ZNF841: variants seen among roughly 807,000 people sequenced by gnomAD.
ZNF841 encodes the protein TCONS_00006091.
ZNF841 carries 11 observed loss-of-function variants against 13.0 expected under a neutral mutation model. The observed-to-expected ratio is 0.85, with a 90% confidence interval of 0.53 to 1.40. The LOEUF is 1.40. Ranked by LOEUF, ZNF841 falls within the 40% of genes most tolerant of loss-of-function variation. The probability of loss-of-function intolerance (pLI) is 0.00; values close to 1 mark genes in which losing one functional copy is unlikely to be tolerated. For missense variants in ZNF841, 1,068 were observed against 1,139.5 expected, an observed-to-expected ratio of 0.94 and a Z score of 0.90; for synonymous variants, 369 against 381.6, an observed-to-expected ratio of 0.97 and a Z score of 0.38.
chr19:52,063,065 CG>C (rs1488109588), downstream of ZNF841, among the ~76,000 whole-genome samples: 1 of 151,872 alleles, frequency 6.6e-6, no homozygotes, highest in East Asian at 1.9e-4. Context: ...TTAGTAGAGA[CG>C]GGGTTTCACC....
At chr19:52,070,327 A>G (rs1022516411) in intron 6 of ZNF841, among the ~76,000 whole-genome samples, 26 of 152,184 alleles carry the variant, frequency 1.7e-4, no homozygotes, top group African/African-American at 6.3e-4. Context: ...GACAAGAGAC[A>G]AAAGAGTATA....
At position 52,066,349 on chromosome 19, in the gene ZNF841, T is replaced by C. The variant is rs372083602; in HGVS notation, c.1533A>G (p.Lys511=). The stretch of plus-strand genomic sequence containing the variant: ...TGCCACATTCATTACATTTGTAAGG[T>C]TTCTCTCCAGTATGAACTCTCTGAT... ...AVHQRVHTGE[K]PYKCNECGKA... is the part of the protein sequence containing the mutation. Residue 511 remains lysine, a synonymous_variant, in exon 7 of 7, where the codon AAA becomes AAG. Coordinates refer to ENST00000594440, the MANE Select transcript of ZNF841 (RefSeq NM_001136499.2). 34 of 1,613,914 alleles carry C rather than the reference T, an allele frequency of 2.1e-5. No homozygotes were observed. The highest frequency in any genetic ancestry group is 2.5e-5 in the Non-Finnish European group (29 of 1,179,958).
intron 4 of ZNF841, among the ~76,000 whole-genome samples, chr19:52,078,352 A>G (rs2087975586): frequency 6.6e-6 from 1 of 152,126 alleles, no homozygotes; most frequent in Admixed American, 6.6e-5. Context: ...ATTACTATTC[A>G]TAAAACTAAT....
chr19:52,074,523 AT>A (rs966794469), intron 6 of ZNF841, among the ~76,000 whole-genome samples: 46 of 148,570 alleles, frequency 3.1e-4, no homozygotes, highest in Admixed American at 1.6e-3. Flanking sequence ...CCCGGGAGAA[AT>A]TTTTTTTTTT....
chr19:52,077,870 G>A lies in ZNF841; in HGVS notation c.16-786C>T, dbSNP rs79859297. Among the ~76,000 whole-genome samples, 323 of 152,296 alleles carry A rather than the reference G, an allele frequency of 2.1e-3. 2 individuals are homozygous for A. The East Asian group carries it at 0.036, about 17-fold the overall frequency. ...TCAAGGTGTCAGCAGGACTGATGTC[G>A]CTGAGGGCTAATCCCTGCTTCGAAG... On this transcript the variant is annotated intron_variant, in intron 4 of 6. Transcript: ENST00000594440.
chr19:52,077,765 T>C lies in ZNF841; in HGVS notation c.16-681A>G, dbSNP rs138109087. On this transcript the variant is annotated intron_variant, in intron 4 of 6. Transcript: ENST00000594440. The stretch of plus-strand genomic sequence containing the variant: ...ATGTCCTAGTCTTTCTGTGTGGCTA[T>C]AACGAAATAAGAGAGACTAACTAAC... Among the ~76,000 whole-genome samples, 275 of 152,310 alleles carry C rather than the reference T, an allele frequency of 1.8e-3. 1 individual carries two copies. Among genetic ancestry groups the C allele is most frequent in the African/African-American group, 6.3e-3 (264 of 41,580 alleles).
At position 52,065,163 on chromosome 19, in the gene ZNF841, T is replaced by G. The variant is rs761125219; in HGVS notation, c.2719A>C (p.Lys907Gln). 2.5e-6 allele frequency: 4 copies of G among 1,578,414 alleles called. No homozygotes were observed. Among genetic ancestry groups the G allele is most frequent in the Non-Finnish European group, 3.4e-6 (4 of 1,162,836 alleles). ...IKHAGENLTTKLNVERPLDVV... is the reference protein window; with the variant it reads ...IKHAGENLTTQLNVERPLDVV... ...TCTAACGGCCTTTCCACATTGAGTT[T>G]AGTTGTAAGGTTCTCTCCAGCATGT... The change falls in exon 7 of 7, where the codon AAA (lysine) becomes CAA (glutamine). Residue 907 changes from lysine (K) to glutamine (Q), a missense_variant. Lys to Gln is a moderately conservative substitution (Grantham distance 53). Transcript: ENST00000594440.
chr19:52,058,925 GTTATTA>G, the ZNF841 span: 7 of 152,752 alleles, frequency 4.6e-5, no homozygotes, highest in East Asian at 7.9e-4. Flanking sequence ...AAAAATAATT[GTTATTA>G]TTATTATACA....
intron 2 of ZNF841, among the ~76,000 whole-genome samples, chr19:52,090,711 A>AAGAAAGAAAGAAAGAAAG (rs2088465571): frequency 7.2e-6 from 1 of 139,768 alleles, no homozygotes; most frequent in Admixed American, 7.5e-5. Context: ...AAGAAAGAGA[A>AAGAAAGAAAGAAAGAAAG]AGAAAGAAAG....
Position 52,084,851 on chromosome 19 carries a change from A to G in ZNF841, c.-50T>C. ...TCTCTCCTGGGCCTCTCTCTCAGTC[A>G]ATATAATTAATTCTTTAAAAGTCAA... On this transcript the variant is annotated 5_prime_UTR_variant, in exon 4 of 7. Coordinates refer to ENST00000594440, the MANE Select transcript of ZNF841 (RefSeq NM_001136499.2). 1 of 1,571,934 alleles carries G rather than the reference A, an allele frequency of 6.4e-7. No homozygotes were observed. The highest frequency in any genetic ancestry group is 8.6e-7 in the Non-Finnish European group (1 of 1,159,346).
At position 52,064,978 on chromosome 19, in the gene ZNF841, T is replaced by G. The variant is rs543084046; in HGVS notation, c.*129A>C. ...CAAGGGGATGGTACTAAAACTTTCT[T>G]GAGAAAGCCACCCCCATCATCCAAT... On this transcript the variant is annotated 3_prime_UTR_variant, in exon 7 of 7. Transcript: ENST00000594440. The G allele has an allele frequency of 2.6e-5, 21 of 814,634 alleles. No homozygotes were observed. The Admixed American group carries it at 3.4e-4, about 13-fold the overall frequency. 50.5% of individuals were successfully genotyped at this position (814,634 alleles called of 1,614,324 possible). A position where few individuals can be genotyped will look rare whatever the true frequency, so the allele number is the denominator to read the frequency against.
chr19:52,065,603 G>C lies in ZNF841; in HGVS notation c.2279C>G (p.Thr760Ser), dbSNP rs1474439770. The stretch of plus-strand genomic sequence containing the variant: ...ATTACATTTGTAAGGTTTCTCTCCA[G>C]TATGAATTCTCCGATGCCTTGCCAG... Reference protein sequence around the residue: ...TTLARHRRIHTGEKPYKCNEC... With the variant: ...TTLARHRRIHSGEKPYKCNEC... Residue 760 changes from threonine (T) to serine (S), a missense_variant, in exon 7 of 7, where the codon ACT becomes AGT. Thr to Ser is a moderately conservative substitution (Grantham distance 58, BLOSUM62 1). Coordinates refer to ENST00000594440, the MANE Select transcript of ZNF841 (RefSeq NM_001136499.2). 1 of 1,613,298 alleles carries C rather than the reference G, an allele frequency of 6.2e-7. No homozygotes were observed. The highest frequency in any genetic ancestry group is 1.3e-5 in the African/African-American group (1 of 74,886).
the ZNF841 span, among the ~76,000 whole-genome samples, chr19:52,059,390 T>TATATACAC: frequency 8.7e-4 from 84 of 96,316 alleles, no homozygotes; most frequent in African/African-American, 2.6e-3. Flanking sequence ...TATATATATA[T>TATATACAC]ACACACACAC....
At chr19:52,092,858 C>T (rs62107527) in intron 2 of ZNF841, among the ~76,000 whole-genome samples, 9,644 of 152,250 alleles carry the variant, frequency 0.063, 457 homozygotes, top group East Asian at 0.13. Flanking sequence ...TGGCGGCTCA[C>T]GCCTGTAATC....
In ZNF841 at chr19:52,076,990, A is replaced by G; in HGVS notation, c.110T>C (p.Met37Thr). The change falls in exon 5 of 7, where the codon ATG (methionine) becomes ACG (threonine). Residue 37 changes from methionine (M) to threonine (T), a missense_variant. By Grantham distance (81) the Met-to-Thr change is moderately conservative. Transcript: ENST00000594440. ...PVQKALYRDV[M>T]LENYRNLGFL... ...GCCGAGGTTCCTGTAGTTCTCCAAC[A>G]TCACGTCCCTGTACAAAGCTTTCTG... The G allele has an allele frequency of 1.9e-6, 3 of 1,613,406 alleles. No individual in the cohort carries two copies. The highest frequency in any genetic ancestry group is 2.5e-6 in the Non-Finnish European group (3 of 1,179,514).
chr19:52,081,734 G>A (rs2123321965), intron 4 of ZNF841, among the ~76,000 whole-genome samples: 1 of 152,202 alleles, frequency 6.6e-6, no homozygotes, highest in South Asian at 2.1e-4. Context: ...CATGCCTGTA[G>A]TCCCAGCTAC....
downstream of ZNF841, among the ~76,000 whole-genome samples, chr19:52,061,551 C>T (rs1490892348): frequency 6.6e-6 from 1 of 151,618 alleles, no homozygotes; most frequent in East Asian, 2.0e-4. Context: ...CCCACTCTTA[C>T]TTTTTCTTTT....
rs549159650 is a variant in ZNF841, at chr19:52,093,177, C to G, written c.-144+669G>C. On this transcript the variant is annotated intron_variant, in intron 2 of 6. Coordinates refer to ENST00000594440, the MANE Select transcript of ZNF841 (RefSeq NM_001136499.2). ...ATGATCACTACAGTATTATTCATAACAGCCAAGATATGGAAACAACCCAAG... is the reference window on the plus strand; with the variant it reads ...ATGATCACTACAGTATTATTCATAAGAGCCAAGATATGGAAACAACCCAAG... Among the ~76,000 whole-genome samples, 3 of 152,246 alleles carry G rather than the reference C, an allele frequency of 2.0e-5. No homozygotes were observed. The South Asian group carries it at 6.2e-4, about 32-fold the overall frequency.
chr19:52,071,089 T>C (rs1023334159), intron 6 of ZNF841, among the ~76,000 whole-genome samples: 5 of 152,110 alleles, frequency 3.3e-5, no homozygotes, highest in African/African-American at 1.2e-4. Context: ...AATGTAGAGG[T>C]AGTATTGTAC....
Sources: gnomAD v4.1 joint callset for allele counts (sites outside exome capture counted in the v4.1 genomes callset) on GRCh38, gnomAD v4.1.1 for gene constraint, MANE v1.5 for transcripts, NCBI Gene and HGNC (gene_info 2026-07-23, HGNC 2026-07-21) for gene names.